The following SNTG1 variants were observed in gnomAD, a reference collection of about 807,000 sequenced individuals.
SNTG1 encodes the protein gamma-1-syntrophin.
In SNTG1, 39 loss-of-function variants were observed where a neutral mutation model predicts 74.7. That is an observed-to-expected ratio of 0.52 (90% CI 0.40 to 0.68). The LOEUF is 0.68. Ranked by LOEUF, SNTG1 falls within the 30% of genes least tolerant of loss-of-function variation. SNTG1 has a pLI of 0.00. For synonymous variants in SNTG1, 254 were observed against 217.1 expected (o/e 1.17, Z -1.49); for missense variants, 685 against 609.5 (o/e 1.12, Z -1.30).
rs540537422 is a variant in SNTG1 at position 50,160,742 on chromosome 8, A to G, written c.-102-11819A>G. On this transcript the variant is annotated intron_variant, in intron 1 of 18. Coordinates refer to ENST00000642720, the MANE Select transcript of SNTG1 (RefSeq NM_018967.5). The stretch of plus-strand genomic sequence containing the variant: ...CTATGGATTTTGAACCTGAAGTCAT[A>G]CTCATACTTGTATCAGCTTATTTGA... Among the ~76,000 whole-genome samples, 16 of 152,324 alleles carry G rather than the reference A, an allele frequency of 1.1e-4. No homozygotes were observed. In the South Asian group the frequency reaches 3.3e-3, roughly 32 times the overall value.
At chr8:50,050,633 C>A (rs913143422) in intron 1 of SNTG1, among the ~76,000 whole-genome samples, 1 of 151,946 alleles carries the variant, frequency 6.6e-6, no homozygotes, top group Non-Finnish European at 1.5e-5. Flanking sequence ...AATACAAATT[C>A]TTCACAAAAT....
intron 11 of SNTG1, among the ~76,000 whole-genome samples, chr8:50,537,380 A>T (rs2094315442): frequency 6.6e-6 from 1 of 152,226 alleles, no homozygotes; most frequent in Non-Finnish European, 1.5e-5. Context: ...GGCATAAACC[A>T]CATGCCCAGC....
intron 4 of SNTG1, among the ~76,000 whole-genome samples, chr8:50,434,944 T>G (rs1160755429): frequency 6.6e-6 from 1 of 152,112 alleles, no homozygotes; most frequent in African/African-American, 2.4e-5. Flanking sequence ...CTAACTTTTT[T>G]CCATACAAAT....
At chr8:50,024,095 C>A (rs1203128764) in intron 1 of SNTG1, among the ~76,000 whole-genome samples, 1 of 152,146 alleles carries the variant, frequency 6.6e-6, no homozygotes, top group African/African-American at 2.4e-5. Context: ...GATGGCAATG[C>A]AGTTGGTTGA....
At chr8:50,753,838 A>G (rs929497905) in intron 18 of SNTG1, among the ~76,000 whole-genome samples, 2 of 151,966 alleles carry the variant, frequency 1.3e-5, no homozygotes, top group Non-Finnish European at 2.9e-5. Flanking sequence ...ACATTTGGTG[A>G]GTTGTTGAAA....
Position 50,124,630 on chromosome 8 carries a change from T to A in SNTG1, c.-102-47931T>A, listed in dbSNP as rs1479380887. ...GACTTTGAAGCTTTACTTTTAATCC[T>A]CTGCTTATAAATTATTGATATAGCT... On this transcript the variant is annotated intron_variant, in intron 1 of 18. Coordinates refer to ENST00000642720, the MANE Select transcript of SNTG1 (RefSeq NM_018967.5). Among the ~76,000 whole-genome samples the A allele has an allele frequency of 2.8e-5, 4 of 142,332 alleles. 1 individual carries two copies. Among genetic ancestry groups the A allele is most frequent in the Non-Finnish European group, 6.3e-5 (4 of 63,864 alleles). 93.4% of individuals were successfully genotyped at this position (142,332 alleles called of 152,430 possible).
rs186925379 is a variant in SNTG1, at chr8:50,047,998, G to A, written c.-102-124563G>A. Among the ~76,000 whole-genome samples the A allele has an allele frequency of 1.2e-4, 19 of 152,106 alleles. No individual in the cohort carries two copies. The East Asian group carries it at 3.5e-3, about 28-fold the overall frequency. ...ATTTTTCAGAGTATTAAATGAGAGG[G>A]CATATGGAATGGACTTATTTGAGAA... is the stretch of plus-strand genomic sequence containing the variant. On this transcript the variant is annotated intron_variant, in intron 1 of 18. Transcript: ENST00000642720.
intron 13 of SNTG1, among the ~76,000 whole-genome samples, chr8:50,637,262 T>G (rs530446549): frequency 1.8e-4 from 28 of 152,282 alleles, no homozygotes; most frequent in African/African-American, 6.7e-4. Flanking sequence ...TGATTAAAAT[T>G]TTCTTGTTAT....
chr8:50,725,598 C>A (rs570892718), intron 17 of SNTG1, among the ~76,000 whole-genome samples: 9 of 152,210 alleles, frequency 5.9e-5, no homozygotes, highest in African/African-American at 2.2e-4. Flanking sequence ...GTACGTGACA[C>A]CTCTAATTTC....
chr8:50,438,079 G>T (rs1383815), intron 4 of SNTG1, among the ~76,000 whole-genome samples: 93,213 of 152,044 alleles, frequency 0.61, 32,718 homozygotes, highest in East Asian at 0.83. Context: ...GCATTTCTGT[G>T]CTGGCCACGG....
chr8:50,201,088 G>GA (rs367913235), intron 2 of SNTG1, among the ~76,000 whole-genome samples: 74 of 152,032 alleles, frequency 4.9e-4, no homozygotes, highest in African/African-American at 1.2e-3. Context: ...AATACTTCAT[G>GA]AAAAAAACAA....
At position 50,331,165 on chromosome 8, in the gene SNTG1, C is replaced by A. The variant is rs979227819; in HGVS notation, c.-27-63047C>A. ...CATGCTATATAACTGTCAGGGAAAT[C>A]ATCGGCTAGTAGAAATTGAAATAGC... On this transcript the variant is annotated intron_variant, in intron 2 of 18. Coordinates refer to ENST00000642720, the MANE Select transcript of SNTG1 (RefSeq NM_018967.5). Among the ~76,000 whole-genome samples, 3 of 152,078 alleles carry A rather than the reference C, an allele frequency of 2.0e-5. No individual in the cohort carries two copies. In the South Asian group the frequency reaches 6.2e-4, roughly 32 times the overall value.
At chr8:50,187,336 A>C (rs1378458038) in intron 2 of SNTG1, among the ~76,000 whole-genome samples, 1 of 152,156 alleles carries the variant, frequency 6.6e-6, no homozygotes, top group East Asian at 1.9e-4. Context: ...CCAATGGAAC[A>C]GAACAGAGAC....
chr8:50,434,161 T>C (rs1009108123), intron 4 of SNTG1, among the ~76,000 whole-genome samples: 5 of 151,862 alleles, frequency 3.3e-5, no homozygotes, highest in African/African-American at 9.7e-5. Context: ...GTCCTTGCCA[T>C]AGTTTGCTCA....
chr8:50,159,424 T>G (rs896076870), intron 1 of SNTG1, among the ~76,000 whole-genome samples: 3 of 152,192 alleles, frequency 2.0e-5, no homozygotes, highest in African/African-American at 7.2e-5. Flanking sequence ...GGCATTAGGC[T>G]TCTAAGCAAG....
intron 17 of SNTG1, among the ~76,000 whole-genome samples, chr8:50,717,973 G>A (rs552195120): frequency 3.9e-5 from 6 of 152,258 alleles, no homozygotes; most frequent in Admixed American, 2.0e-4. Flanking sequence ...CAGAGTTAAT[G>A]TCTGTTACAT....
intron 1 of SNTG1, among the ~76,000 whole-genome samples, chr8:50,082,261 G>GA (rs1293262449): frequency 6.6e-6 from 1 of 152,026 alleles, no homozygotes; most frequent in Non-Finnish European, 1.5e-5. Flanking sequence ...CACATTTGTT[G>GA]ACAGAGACAA....
chr8:49,914,258 AC>A (rs1270627345), intron 1 of SNTG1, among the ~76,000 whole-genome samples: 4 of 152,128 alleles, frequency 2.6e-5, no homozygotes, highest in Non-Finnish European at 4.4e-5. Flanking sequence ...GGATATCTGT[AC>A]CCCACTAAGG....
At chr8:50,633,137 C>G (rs999821795) in intron 13 of SNTG1, among the ~76,000 whole-genome samples, 1 of 136,736 alleles carries the variant, frequency 7.3e-6, no homozygotes, top group African/African-American at 2.5e-5. Context: ...GGCTATAAAG[C>G]TGTCTTCCAT....
Sources: gnomAD v4.1 joint callset for allele counts (sites outside exome capture counted in the v4.1 genomes callset) on GRCh38, gnomAD v4.1.1 for gene constraint, MANE v1.5 for transcripts, NCBI Gene and HGNC (gene_info 2026-07-23, HGNC 2026-07-21) for gene names.